The following WNK2 variants were observed in gnomAD, a reference collection of about 807,000 sequenced individuals.
WNK2 encodes serine/threonine-protein kinase WNK2.
WNK2 carries 67 observed loss-of-function variants against 192.1 expected under a neutral mutation model. The observed-to-expected ratio is 0.35, with a 90% CI of 0.29 to 0.43. The LOEUF (loss-of-function observed/expected upper bound fraction) is 0.43. Among genes scored for constraint, WNK2 ranks in the 20% least tolerant of loss-of-function variants. The pLI is 1.00. For synonymous variants in WNK2, 1,439 were observed against 1,393.9 expected (o/e 1.03, Z -0.72); for missense variants, 2,698 against 3,089.7 (o/e 0.87, Z 3.01).
chr9:93,290,401 C>T (rs1301501651), intron 21 of WNK2, among the ~76,000 whole-genome samples: 1 of 151,442 alleles, frequency 6.6e-6, no homozygotes, highest in Admixed American at 6.6e-5. Flanking sequence ...TGACCCAAGA[C>T]AATTCTTCAT....
rs968476403 is a variant in WNK2 at position 93,229,721 on chromosome 9, G to A, written c.707G>A (p.Arg236Gln). 5.0e-6 allele frequency: 8 copies of A among 1,613,348 alleles called. No homozygotes were observed. The highest frequency in any genetic ancestry group is 6.8e-6 in the Non-Finnish European group (8 of 1,179,618). ...LQDRKLTKLE[R>Q]QRFKEEAEML... ...GACCGGAAGCTCACCAAGCTGGAGC[G>A]GCAGCGGTTCAAGGAAGAGGCTGAG... is the stretch of plus-strand genomic sequence containing the variant. Residue 236 changes from arginine (R) to glutamine (Q), a missense_variant, in exon 3 of 30, where the codon CGG becomes CAG. Arg to Gln is a conservative substitution (Grantham distance 43). Around this residue, in one of 7 missense-constraint regions of WNK2, gnomAD observed 230 missense variants for 501.1 expected, o/e 0.46. Transcript: ENST00000427277. This position sits in a 1 kb window ranked among gnomAD's most constrained non-coding sequence, Gnocchi z 4.9.
chr9:93,292,927 A>G lies in WNK2; in HGVS notation c.5462A>G (p.Gln1821Arg), dbSNP rs561971555. 2.1e-5 allele frequency: 32 copies of G among 1,529,218 alleles called. No individual in the cohort carries two copies. In the East Asian group the frequency reaches 6.9e-4, roughly 33 times the overall value. The allele number at this position is 1,529,218 out of a possible 1,614,324, so 94.7% of individuals were successfully genotyped here. ...GGCCCTCGGGCGAGACCCCCGGTGC[A>G]GAAGCAGGCGTCCCTGCCCGTGAGT... The part of the protein sequence containing the change: ...DEGPRARPPV[Q>R]KQASLPVSGS... The change falls in exon 23 of 30, where the codon CAG becomes CGG. Residue 1821 changes from glutamine to arginine, a missense_variant. Gln to Arg is a conservative substitution (Grantham distance 43). Around this residue, in one of 7 missense-constraint regions of WNK2, gnomAD observed 1,098 missense variants for 1,101.0 expected, o/e 1.00. Coordinates refer to ENST00000427277, the MANE Select transcript of WNK2 (RefSeq NM_006648.4).
chr9:93,184,922 C>T lies in WNK2; in HGVS notation c.-2-6C>T. On this transcript the variant is annotated splice_region_variant and splice_polypyrimidine_tract_variant and intron_variant, in intron 1 of 29. Coordinates refer to ENST00000427277, the MANE Select transcript of WNK2 (RefSeq NM_006648.4). The stretch of plus-strand genomic sequence containing the variant: ...TCACGCGGGCCTGTGTGTCCTTGGC[C>T]CACAGAGATGGACGGCGATGGCGGC... 2 of 1,227,954 alleles carry T rather than the reference C, an allele frequency of 1.6e-6. No individual in the cohort carries two copies. The highest frequency in any genetic ancestry group is 2.0e-6 in the Non-Finnish European group (2 of 986,554). 76.1% of individuals were successfully genotyped at this position (1,227,954 alleles called of 1,614,324 possible).
At chr9:93,216,937 A>G (rs920304014) in intron 2 of WNK2, among the ~76,000 whole-genome samples, 1 of 152,150 alleles carries the variant, frequency 6.6e-6, no homozygotes. Flanking sequence ...GTGAATCAAT[A>G]TAAAATTATC....
intron 26 of WNK2, chr9:93,300,476 T>C: frequency 4.6e-6 from 1 of 217,102 alleles, no homozygotes. Context: ...TTTCGTCACC[T>C]CATTTATTTA....
At chr9:93,298,606 G>T (rs1037780024) in intron 24 of WNK2, among the ~76,000 whole-genome samples, 7 of 152,316 alleles carry the variant, frequency 4.6e-5, no homozygotes, top group African/African-American at 1.7e-4. Context: ...CAGCACTGCA[G>T]CCTGCTTGCT....
chr9:93,313,087 CCT>C (rs1301724414), intron 28 of WNK2, among the ~76,000 whole-genome samples: 2 of 152,178 alleles, frequency 1.3e-5, no homozygotes, highest in African/African-American at 4.8e-5. Context: ...TCATTGTGTT[CCT>C]CTGTGATTTT....
At chr9:93,220,042 T>C (rs537255728) in intron 2 of WNK2, among the ~76,000 whole-genome samples, 20 of 152,284 alleles carry the variant, frequency 1.3e-4, no homozygotes, top group Admixed American at 1.1e-3. Flanking sequence ...GCAGGGTTGT[T>C]GGGGAGGGAG....
At chr9:93,289,738 C>A in intron 20 of WNK2, 118 bp downstream of exon 20, 1 of 1,123,476 alleles carries the variant, frequency 8.9e-7, no homozygotes, top group Non-Finnish European at 1.2e-6. Context: ...CAGGGCCCGT[C>A]CCTCTCTTGG....
intron 21 of WNK2, among the ~76,000 whole-genome samples, chr9:93,291,834 CAGAA>C (rs1168617462): frequency 3.3e-5 from 5 of 152,192 alleles, no homozygotes; most frequent in African/African-American, 1.2e-4. Flanking sequence ...AAAAGCTAGT[CAGAA>C]AGAGCTCCCT....
rs372452342 is a variant in WNK2 at position 93,196,802 on chromosome 9, G to A, written c.681+11192G>A. On this transcript the variant is annotated intron_variant, in intron 2 of 29. Coordinates refer to ENST00000427277, the MANE Select transcript of WNK2 (RefSeq NM_006648.4). Reference sequence around the variant, plus strand: ...TTCTGTTGGTCAGGAGGGGTGGCGGGCTGTGGGTGGAGCGTGCCTGCTGTG... The same window carrying A: ...TTCTGTTGGTCAGGAGGGGTGGCGGACTGTGGGTGGAGCGTGCCTGCTGTG... Among the ~76,000 whole-genome samples, 31 of 152,258 alleles carry A rather than the reference G, an allele frequency of 2.0e-4. 1 individual carries two copies. The East Asian group carries it at 5.8e-3, about 28-fold the overall frequency.
intron 19 of WNK2, among the ~76,000 whole-genome samples, chr9:93,277,349 T>C (rs1156596865): frequency 6.6e-6 from 1 of 152,142 alleles, no homozygotes; most frequent in East Asian, 1.9e-4. Flanking sequence ...GTCATAGCAA[T>C]TTTACTCAGT....
chr9:93,307,770 A>C (rs1852854866), intron 27 of WNK2: 1 of 152,876 alleles, frequency 6.5e-6, no homozygotes, highest in Non-Finnish European at 1.5e-5. Context: ...AGACCATTAA[A>C]ATTCATGGGA....
chr9:93,251,553 T>C (rs1842610905), intron 8 of WNK2, among the ~76,000 whole-genome samples: 5 of 152,074 alleles, frequency 3.3e-5, no homozygotes, highest in Admixed American at 2.6e-4. Context: ...CTACAAAAGA[T>C]AGAAAAATTA....
At chr9:93,295,225 C>T (rs1364933563) in intron 23 of WNK2, among the ~76,000 whole-genome samples, 2 of 152,050 alleles carry the variant, frequency 1.3e-5, no homozygotes, top group African/African-American at 2.4e-5. Flanking sequence ...CATGTGGGTG[C>T]GGCCTCGGAG....
chr9:93,240,215 G>A (rs1342492855), intron 7 of WNK2, among the ~76,000 whole-genome samples: 1 of 152,172 alleles, frequency 6.6e-6, no homozygotes, highest in Non-Finnish European at 1.5e-5. Context: ...AGCACCCAGG[G>A]GATTAGCAGC....
At chr9:93,296,789 T>TC (rs1261356714) in intron 23 of WNK2, among the ~76,000 whole-genome samples, 1 of 33,956 alleles carries the variant, frequency 2.9e-5, no homozygotes, top group Admixed American at 3.6e-4. Flanking sequence ...TTCCTCCCCC[T>TC]CCATCCTTCC....
intron 2 of WNK2, among the ~76,000 whole-genome samples, chr9:93,227,522 G>A (rs1838027904): frequency 6.6e-6 from 1 of 152,136 alleles, no homozygotes; most frequent in African/African-American, 2.4e-5. Context: ...TCCGTGTGCT[G>A]TTGGCCATTT....
rs1160543247 is a variant in WNK2, at chr9:93,292,492, A to T, written c.5027A>T (p.Asp1676Val). 2 of 1,602,892 alleles carry T rather than the reference A, an allele frequency of 1.2e-6. No homozygotes were observed. The highest frequency in any genetic ancestry group is 1.1e-5 in the South Asian group (1 of 89,658). ...DSHVVPSVPQDVPAFVRPARV... is the reference protein window; with the variant it reads ...DSHVVPSVPQVVPAFVRPARV... ...CTTCATCTCCGCTTGTTTCCCAAGG[A>T]TGTACCTGCTTTTGTGAGACCTGCA... The change falls in exon 23 of 30, where the codon GAT becomes GTT. Residue 1676 changes from aspartate (D) to valine (V), a missense_variant and splice_region_variant. Coordinates refer to ENST00000427277, the MANE Select transcript of WNK2 (RefSeq NM_006648.4).
Sources: gnomAD v4.1 joint callset for allele counts (sites outside exome capture counted in the v4.1 genomes callset) on GRCh38, gnomAD v4.1.1 for gene constraint, gnomAD v4.1.1 regional missense constraint, Gnocchi (gnomAD v3.1) non-coding constraint, MANE v1.5 for transcripts, NCBI Gene and HGNC (gene_info 2026-07-23, HGNC 2026-07-21) for gene names.